The following FRMPD4 variants were observed in gnomAD, a reference collection of about 807,000 sequenced individuals.
FRMPD4 encodes FERM and PDZ domain containing 4.
FRMPD4 carries 22 observed loss-of-function variants against 94.1 expected under a neutral mutation model. The observed-to-expected ratio is 0.23, with a 90% CI of 0.17 to 0.33. The LOEUF (loss-of-function observed/expected upper bound fraction) is 0.33. FRMPD4 is among the 10% of genes least tolerant of loss of function. FRMPD4 has a pLI of 1.00. For synonymous variants in FRMPD4, 631 were observed against 548.6 expected (o/e 1.15, Z -2.10); for missense variants, 1,111 against 1,339.9 (o/e 0.83, Z 2.67).
chrX:12,678,428 A>C (rs780891016), intron 5 of FRMPD4, among the ~76,000 whole-genome samples: 1 of 111,987 alleles, frequency 8.9e-6, no homozygotes, highest in South Asian at 3.7e-4. Flanking sequence ...TTTATTATAG[A>C]TCTTTCATTG....
At chrX:12,181,606 C>T (rs759237867) in intron 1 of FRMPD4, among the ~76,000 whole-genome samples, 24 of 112,194 alleles carry the variant, frequency 2.1e-4, no homozygotes, top group Non-Finnish European at 3.0e-4. Context: ...TTAGGCATGG[C>T]TGGATCCAGA....
At chrX:12,202,273 T>C (rs2056639729) in intron 1 of FRMPD4, among the ~76,000 whole-genome samples, 1 of 112,204 alleles carries the variant, frequency 8.9e-6, no homozygotes, top group South Asian at 3.7e-4. Flanking sequence ...AGCAGTCTCT[T>C]GCTCTTCTTT....
At chrX:12,389,735 T>G (rs932611416) in intron 1 of FRMPD4, among the ~76,000 whole-genome samples, 9 of 111,957 alleles carry the variant, frequency 8.0e-5, no homozygotes, top group Non-Finnish European at 7.5e-5. Context: ...CCCTGAATTG[T>G]AAATACTATT....
intron 1 of FRMPD4, among the ~76,000 whole-genome samples, chrX:12,449,810 A>G (rs2057243002): frequency 1.8e-5 from 2 of 110,757 alleles, no homozygotes; most frequent in Admixed American, 9.6e-5. Context: ...CAACATAGGG[A>G]GACCACCATC....
chrX:12,717,675 A>G lies in FRMPD4; in HGVS notation c.2849A>G (p.Gln950Arg). Reference protein sequence around the residue: ...HEGYHPLAEEQTEFPASKTPA... With the variant: ...HEGYHPLAEERTEFPASKTPA... ...GGCTACCACCCCCTTGCAGAAGAGC[A>G]GACCGAGTTCCCGGCCTCCAAGACC... Residue 950 changes from glutamine to arginine, a missense_variant, in exon 16 of 17, where the codon CAG becomes CGG. Physicochemically the swap from Gln to Arg is conservative, Grantham distance 43 (BLOSUM62 1). This residue lies in a region of FRMPD4 where 551 missense variants were observed against 591.6 expected (regional missense o/e 0.93). Transcript: ENST00000675598. 8.3e-7 allele frequency: 1 copy of G among 1,211,622 alleles called. No homozygotes were observed. Among genetic ancestry groups the G allele is most frequent in the Non-Finnish European group, 1.1e-6 (1 of 895,112 alleles).
At chrX:12,241,500 T>C (rs567301987) in intron 1 of FRMPD4, among the ~76,000 whole-genome samples, 1 of 112,574 alleles carries the variant, frequency 8.9e-6, no homozygotes, top group South Asian at 3.7e-4. Flanking sequence ...TATCTCTCTA[T>C]TGCCATCAAG....
intron 1 of FRMPD4, among the ~76,000 whole-genome samples, chrX:12,419,806 G>T (rs377414722): frequency 2.7e-5 from 3 of 111,632 alleles, no homozygotes; most frequent in African/African-American, 9.8e-5. Context: ...AGTCCAGAGA[G>T]GAACACCATG....
At chrX:11,898,094 A>AGGAAGAG (rs1346956335) in intron 3 of FRMPD4, among the ~76,000 whole-genome samples, 1 of 111,711 alleles carries the variant, frequency 9.0e-6, no homozygotes, top group Non-Finnish European at 1.9e-5. Context: ...TCCAACACCA[A>AGGAAGAG]GGAAGAGGTC....
chrX:12,034,666 T>C (rs1315293779), intron 3 of FRMPD4, among the ~76,000 whole-genome samples: 1 of 112,070 alleles, frequency 8.9e-6, no homozygotes, highest in Non-Finnish European at 1.9e-5. Context: ...TTTTTTTTAC[T>C]GGGAAGGTAC....
chrX:12,219,283 C>T (rs1288977749), intron 1 of FRMPD4, among the ~76,000 whole-genome samples: 1 of 111,167 alleles, frequency 9.0e-6, no homozygotes, highest in Non-Finnish European at 1.9e-5. Context: ...GTAGGAGGAT[C>T]GCTTAAGCCT....
intron 3 of FRMPD4, among the ~76,000 whole-genome samples, chrX:12,040,423 A>G (rs1441703639): frequency 9.3e-6 from 1 of 107,708 alleles, no homozygotes; most frequent in African/African-American, 3.4e-5. Flanking sequence ...TTCAATGTAT[A>G]TATTTCTCTT....
rs1381591912 is a variant in FRMPD4, at chrX:12,690,107, T to C, written c.682-88T>C. 3 of 664,119 alleles carry C rather than the reference T, an allele frequency of 4.5e-6. No homozygotes were observed. In the African/African-American group the frequency reaches 6.7e-5, roughly 15 times the overall value. 54.7% of individuals were successfully genotyped at this position (664,119 alleles called of 1,213,427 possible). On this transcript the variant is annotated intron_variant, in intron 7 of 16. Transcript: ENST00000675598. ...GTATAAAATTTCAAGATTGGCAGCC[T>C]ACATGTGTAACACTTTTCAGTCATG...
At chrX:11,844,571 C>T (rs1258079029) in intron 1 of FRMPD4, among the ~76,000 whole-genome samples, 1 of 110,227 alleles carries the variant, frequency 9.1e-6, no homozygotes, top group African/African-American at 3.3e-5. Context: ...ATTTTGTGGC[C>T]TCCATTGTTT....
At chrX:12,140,429 C>T (rs1383603690) in intron 1 of FRMPD4, among the ~76,000 whole-genome samples, 2 of 112,352 alleles carry the variant, frequency 1.8e-5, no homozygotes, top group African/African-American at 6.5e-5. Flanking sequence ...TTGCTTCACA[C>T]CACTATTCTA....
intron 3 of FRMPD4, among the ~76,000 whole-genome samples, chrX:12,108,053 A>C: frequency 8.9e-6 from 1 of 111,769 alleles, no homozygotes. Flanking sequence ...CCAACATTCA[A>C]ATTCAGGAAA....
intron 3 of FRMPD4, among the ~76,000 whole-genome samples, chrX:11,895,673 C>T (rs1287907364): frequency 1.8e-5 from 2 of 111,609 alleles, no homozygotes; most frequent in African/African-American, 6.5e-5. Flanking sequence ...ACTGTTGTAA[C>T]GTGAAGGTTC....
At chrX:12,607,373 T>C (rs1160694131) in intron 2 of FRMPD4, among the ~76,000 whole-genome samples, 2 of 111,549 alleles carry the variant, frequency 1.8e-5, no homozygotes, top group Non-Finnish European at 3.8e-5. Context: ...TTTCTATTAA[T>C]AGAATGGTGG....
intron 1 of FRMPD4, among the ~76,000 whole-genome samples, chrX:12,277,924 T>A (rs1215704091): frequency 8.9e-6 from 1 of 111,916 alleles, no homozygotes; most frequent in African/African-American, 3.3e-5. Flanking sequence ...TAAAAGGGGG[T>A]GATTTCTGAA....
At chrX:12,542,350 G>A (rs1192065194) in intron 2 of FRMPD4, among the ~76,000 whole-genome samples, 6 of 112,134 alleles carry the variant, frequency 5.4e-5, no homozygotes. Context: ...CATTATCTCA[G>A]CCCAAAATCT....
Sources: gnomAD v4.1 joint callset for allele counts (sites outside exome capture counted in the v4.1 genomes callset) on GRCh38, gnomAD v4.1.1 for gene constraint, gnomAD v4.1.1 regional missense constraint, MANE v1.5 for transcripts, NCBI Gene and HGNC (gene_info 2026-07-23, HGNC 2026-07-21) for gene names.